The following KIF16B variants were observed in gnomAD, a reference collection of about 807,000 sequenced individuals.
KIF16B encodes the protein kinesin-like protein KIF16B.
Under a neutral mutation model 156.3 loss-of-function variants are expected in KIF16B, and 98 were observed. The observed-to-expected ratio is 0.63, with a 90% CI of 0.53 to 0.74. The LOEUF (loss-of-function observed/expected upper bound fraction) is 0.74. Among genes scored for constraint, KIF16B ranks in the 30% least tolerant of loss-of-function variants. The pLI, the probability that KIF16B is intolerant of heterozygous loss-of-function variation, is 0.00. For missense variants in KIF16B, 1,421 were observed against 1,606.5 expected, an observed-to-expected ratio of 0.88 and a Z score of 1.97; for synonymous variants, 564 against 583.7, an observed-to-expected ratio of 0.97 and a Z score of 0.49.
At chr20:16,285,217 C>G (rs1268012164) in intron 25 of KIF16B, among the ~76,000 whole-genome samples, 1 of 152,150 alleles carries the variant, frequency 6.6e-6, no homozygotes, top group Non-Finnish European at 1.5e-5. Flanking sequence ...TCTGGAGTAA[C>G]CATGCCTTCA....
At chr20:16,359,694 A>G (rs951744845) in intron 22 of KIF16B, among the ~76,000 whole-genome samples, 1 of 150,766 alleles carries the variant, frequency 6.6e-6, no homozygotes, top group Admixed American at 6.6e-5. Flanking sequence ...TGACAATTTC[A>G]CTGGGCAAGT....
At chr20:16,350,399 G>T (rs956572550) in intron 23 of KIF16B, among the ~76,000 whole-genome samples, 1 of 152,104 alleles carries the variant, frequency 6.6e-6, no homozygotes, top group African/African-American at 2.4e-5. Flanking sequence ...TGTCCAGAGG[G>T]TGGGCAGGGG....
In KIF16B at chr20:16,542,082, C is replaced by T. The variant is rs538555208; in HGVS notation, c.48-13642G>A. 2.4e-3 allele frequency among the ~76,000 whole-genome samples: 367 copies of T among 152,354 alleles called. 1 individual carries two copies. The highest frequency in any genetic ancestry group is 7.8e-3 in the African/African-American group (323 of 41,596). On this transcript the variant is annotated intron_variant, in intron 1 of 25. Transcript: ENST00000354981. Reference sequence around the variant, plus strand: ...ACCCAAGTGGCAGCATTCACCACTACACCAACTCCCCAGCAGAGGCAGAGA... The same window carrying T: ...ACCCAAGTGGCAGCATTCACCACTATACCAACTCCCCAGCAGAGGCAGAGA...
At chr20:16,444,519 T>C (rs537163902) in intron 12 of KIF16B, among the ~76,000 whole-genome samples, 150 of 152,336 alleles carry the variant, frequency 9.8e-4, no homozygotes, top group South Asian at 4.6e-3. Context: ...TATCATGGTG[T>C]AGTACCGTGG....
intron 17 of KIF16B, among the ~76,000 whole-genome samples, chr20:16,402,469 CAAAAT>C (rs2065679712): frequency 6.6e-6 from 1 of 152,000 alleles, no homozygotes; most frequent in East Asian, 1.9e-4. Context: ...ACAAAGAAGA[CAAAAT>C]AAGGAGGAAA....
chr20:16,419,669 G>T (rs1208062891), intron 15 of KIF16B, among the ~76,000 whole-genome samples: 2 of 152,078 alleles, frequency 1.3e-5, no homozygotes, highest in African/African-American at 4.8e-5. Context: ...TAAGACCAAA[G>T]GAGTCCACTT....
intron 17 of KIF16B, among the ~76,000 whole-genome samples, chr20:16,402,933 T>A (rs2065690676): frequency 6.6e-6 from 1 of 152,190 alleles, no homozygotes; most frequent in African/African-American, 2.4e-5. Context: ...AACTACACTT[T>A]CTCCTGTTTT....
intron 23 of KIF16B, among the ~76,000 whole-genome samples, chr20:16,337,807 C>A (rs1358672815): frequency 2.6e-5 from 4 of 152,192 alleles, no homozygotes; most frequent in African/African-American, 9.6e-5. Flanking sequence ...TGGACACAAA[C>A]CAGGTGGCAA....
intron 3 of KIF16B, among the ~76,000 whole-genome samples, chr20:16,520,916 C>G (rs1353856313): frequency 6.6e-6 from 1 of 152,138 alleles, no homozygotes; most frequent in South Asian, 2.1e-4. Flanking sequence ...CAGCAAACTC[C>G]AGCAGACCTG....
chr20:16,531,921 A>T (rs2069766483), intron 1 of KIF16B, among the ~76,000 whole-genome samples: 1 of 152,134 alleles, frequency 6.6e-6, no homozygotes, highest in African/African-American at 2.4e-5. Context: ...GACAAAAAAT[A>T]GCCGGGTGTG....
rs755024676 is a variant in KIF16B, at chr20:16,458,747, TAC to T, written c.1303-28767_1303-28766del. Among the ~76,000 whole-genome samples, 12 of 151,612 alleles carry T rather than the reference TAC, an allele frequency of 7.9e-5. No homozygotes were observed. In the South Asian group the frequency reaches 8.4e-4, roughly 11 times the overall value. The stretch of plus-strand genomic sequence containing the variant: ...AAGAGGGAATCCATGTACAGGTATA[TAC>T]ACACACACATATAAACACACACACA... On this transcript the variant is annotated intron_variant, in intron 12 of 25. Transcript: ENST00000354981.
At chr20:16,410,128 G>C (rs1305177233) in intron 15 of KIF16B, among the ~76,000 whole-genome samples, 3 of 125,802 alleles carry the variant, frequency 2.4e-5, no homozygotes, top group South Asian at 2.6e-4. Context: ...TATATATGTA[G>C]GTACATATAT....
intron 17 of KIF16B, 77 bp from the exon 18 acceptor site, chr20:16,381,824 C>G: frequency 8.4e-7 from 1 of 1,185,474 alleles, no homozygotes; most frequent in Non-Finnish European, 1.2e-6. Flanking sequence ...TATACAGAGT[C>G]ACATATTAAA....
chr20:16,494,249 A>T, intron 12 of KIF16B, 42 bp downstream of exon 12: 1 of 1,231,608 alleles, frequency 8.1e-7, no homozygotes, highest in Non-Finnish European at 1.2e-6. Context: ...TTACCAGTTT[A>T]ATCCACCATA....
chr20:16,483,709 C>A (rs138743923), intron 12 of KIF16B, among the ~76,000 whole-genome samples: 612 of 152,164 alleles, frequency 4.0e-3, no homozygotes, highest in Non-Finnish European at 6.4e-3. Context: ...TGGTGACCAA[C>A]GTCAGAAAAA....
intron 17 of KIF16B, among the ~76,000 whole-genome samples, chr20:16,400,734 G>C (rs1568937268): frequency 6.6e-6 from 1 of 152,208 alleles, no homozygotes; most frequent in Non-Finnish European, 1.5e-5. Context: ...ATGAACCAAA[G>C]ACATTATGCT....
chr20:16,528,007 G>GA (rs550892613), intron 2 of KIF16B, among the ~76,000 whole-genome samples: 42 of 151,722 alleles, frequency 2.8e-4, no homozygotes, highest in Non-Finnish European at 5.2e-4. Context: ...ATTAAAAATG[G>GA]AAAAAAATAT....
At chr20:16,465,536 G>A (rs894641210) in intron 12 of KIF16B, among the ~76,000 whole-genome samples, 4 of 151,990 alleles carry the variant, frequency 2.6e-5, no homozygotes, top group East Asian at 3.8e-4. Flanking sequence ...CTATATCCAC[G>A]CACATTCCTA....
chr20:16,527,359 G>T (rs1568645800), intron 2 of KIF16B, among the ~76,000 whole-genome samples: 1 of 152,130 alleles, frequency 6.6e-6, no homozygotes, highest in Admixed American at 6.5e-5. Flanking sequence ...TCTACCATTG[G>T]AGATCAACTC....
Sources: gnomAD v4.1 joint callset for allele counts (sites outside exome capture counted in the v4.1 genomes callset) on GRCh38, gnomAD v4.1.1 for gene constraint, MANE v1.5 for transcripts, NCBI Gene and HGNC (gene_info 2026-07-23, HGNC 2026-07-21) for gene names.